ANKRD7: variants seen among roughly 807,000 people sequenced by gnomAD.
The protein encoded by ANKRD7 is ankyrin repeat domain 7, also known as ankyrin repeat domain-containing protein 7.
In ANKRD7, 30 loss-of-function variants were observed where a neutral mutation model predicts 30.8. The observed-to-expected ratio is 0.97, with a 90% confidence interval of 0.73 to 1.32. The LOEUF (loss-of-function observed/expected upper bound fraction) is 1.32. Among genes scored for constraint, ANKRD7 ranks in the 40% most tolerant of loss-of-function variants. The pLI is 0.00. For synonymous variants in ANKRD7, 97 were observed against 106.6 expected (o/e 0.91, Z 0.55); for missense variants, 264 against 295.7 (o/e 0.89, Z 0.79).
At chr7:118,225,444 G>A (rs983352473) in intron 1 of ANKRD7, among the ~76,000 whole-genome samples, 1 of 151,382 alleles carries the variant, frequency 6.6e-6, no homozygotes, top group Non-Finnish European at 1.5e-5. Flanking sequence ...GCCGAGATCG[G>A]GCCACTGCAT....
chr7:118,236,109 G>A lies in ANKRD7; in HGVS notation c.537G>A (p.Glu179=). Residue 179 remains glutamate (E), a synonymous_variant, in exon 4 of 7, where the codon GAG becomes GAA. Coordinates refer to ENST00000265224, the MANE Select transcript of ANKRD7 (RefSeq NM_019644.4). The part of the protein sequence containing the change: ...NNPKMVKFLL[E]KGADVNASDN... ...CAAAAATGGTAAAATTTCTTCTGGA[G>A]AAAGGGGCTGATGTGAATGCTTCAG... The A allele has an allele frequency of 1.2e-6, 2 of 1,607,874 alleles. No individual in the cohort carries two copies. Among genetic ancestry groups the A allele is most frequent in the Non-Finnish European group, 1.7e-6 (2 of 1,175,374 alleles).
At chr7:118,236,210 A>ATG (rs3993811) in intron 4 of ANKRD7, 63 bp downstream of exon 4, 16,609 of 599,528 alleles carry the variant, frequency 0.028, 125 homozygotes, top group East Asian at 0.07. Context: ...GTGTGTGCGT[A>ATG]TGTGTGTGTG....
rs67297938 is a variant in ANKRD7, at chr7:118,227,906, C to CTTT, written c.179+2909_179+2911dup. ...ATTTAGCTTATTGATAGTATTATGT[C>CTTT]TTTTTTTTTTTTTTAACAAAAACAG... On this transcript the variant is annotated intron_variant, in intron 1 of 6. Transcript: ENST00000265224. The CTTT allele has an allele frequency of 1.0e-3, 1,245 of 1,242,630 alleles. 4 individuals carry two copies. Among genetic ancestry groups the CTTT allele is most frequent in the Admixed American group, 6.8e-3 (268 of 39,316 alleles). 77.0% of individuals were successfully genotyped at this position (1,242,630 alleles called of 1,614,324 possible).
chr7:118,227,625 T>G (rs1809566965), intron 1 of ANKRD7, among the ~76,000 whole-genome samples: 1 of 152,216 alleles, frequency 6.6e-6, no homozygotes. Flanking sequence ...GGTTAATCTT[T>G]TTAATGTGGA....
intron 4 of ANKRD7, 99 bp downstream of exon 4, chr7:118,236,246 AAC>A: frequency 2.0e-6 from 1 of 505,322 alleles, no homozygotes; most frequent in Non-Finnish European, 3.2e-6. Context: ...GTGTCCACAA[AAC>A]ACAATATATA....
At chr7:118,228,159 G>A (rs1303967806) in intron 1 of ANKRD7, among the ~76,000 whole-genome samples, 1 of 152,080 alleles carries the variant, frequency 6.6e-6, no homozygotes, top group Non-Finnish European at 1.5e-5. Context: ...CACTTCTTTT[G>A]AGACTCTTTT....
chr7:118,240,383 A>C (rs975877574), intron 6 of ANKRD7, among the ~76,000 whole-genome samples: 1 of 151,816 alleles, frequency 6.6e-6, no homozygotes, highest in Non-Finnish European at 1.5e-5. Context: ...TCATTGTTCA[A>C]TTCCCACCTA....
At chr7:118,226,923 G>C (rs555605113) in intron 1 of ANKRD7, among the ~76,000 whole-genome samples, 48 of 152,222 alleles carry the variant, frequency 3.2e-4, no homozygotes, top group African/African-American at 1.1e-3. Context: ...TGCATCTTGT[G>C]TTTTATCTAT....
chr7:118,241,072 T>G (rs529591679), intron 6 of ANKRD7, among the ~76,000 whole-genome samples: 1 of 138,714 alleles, frequency 7.2e-6, no homozygotes, highest in Admixed American at 8.3e-5. Context: ...GAGAATGGCG[T>G]GAACCCGGGA....
At chr7:118,233,457 T>C (rs1324293242) in intron 1 of ANKRD7, among the ~76,000 whole-genome samples, 7 of 152,134 alleles carry the variant, frequency 4.6e-5, no homozygotes, top group Non-Finnish European at 1.0e-4. Context: ...TTTTTTGAAC[T>C]GTTTTTATAT....
intron 3 of ANKRD7, among the ~76,000 whole-genome samples, chr7:118,235,101 T>G (rs186527779): frequency 3.3e-5 from 5 of 152,168 alleles, no homozygotes; most frequent in African/African-American, 1.2e-4. Context: ...AGAAACACTA[T>G]ATTTAACAAC....
chr7:118,226,868 A>C (rs537606351), intron 1 of ANKRD7, among the ~76,000 whole-genome samples: 20 of 152,318 alleles, frequency 1.3e-4, no homozygotes, highest in African/African-American at 4.8e-4. Flanking sequence ...TGTATAAGTG[A>C]ACCTACACAG....
chr7:118,234,327 G>A, intron 1 of ANKRD7, 104 bp from the exon 2 acceptor site: 1 of 591,836 alleles, frequency 1.7e-6, no homozygotes, highest in South Asian at 2.9e-5. Context: ...TGTGCATGAA[G>A]CAAGTACCTT....
rs1271620681 is a variant in ANKRD7, at chr7:118,242,350, T to TA, written c.*40dup. ...TTATAAATATCATTTGTTTCCTAGA[T>TA]ATGGAACCCATTTCTACAATTTCTT... On this transcript the variant is annotated splice_region_variant and 3_prime_UTR_variant, in exon 7 of 7. Coordinates refer to ENST00000265224, the MANE Select transcript of ANKRD7 (RefSeq NM_019644.4). 1.3e-5 allele frequency: 2 copies of TA among 152,196 alleles called. No homozygotes were observed. The highest frequency in any genetic ancestry group is 2.9e-5 in the Non-Finnish European group (2 of 68,026). The allele number at this position is 152,196 out of a possible 1,614,324, so 9.4% of individuals were successfully genotyped here.
chr7:118,235,633 A>AT (rs1342447116), intron 3 of ANKRD7, among the ~76,000 whole-genome samples: 9 of 151,012 alleles, frequency 6.0e-5, no homozygotes, highest in Non-Finnish European at 1.0e-4. Flanking sequence ...AAAAAAAAAA[A>AT]GCGTATTGAT....
At chr7:118,232,736 G>GTA (rs1230433164) in intron 1 of ANKRD7, among the ~76,000 whole-genome samples, 1 of 151,748 alleles carries the variant, frequency 6.6e-6, no homozygotes, top group Non-Finnish European at 1.5e-5. Flanking sequence ...GTGTGTGTGT[G>GTA]TGTGTGTGTG....
intron 1 of ANKRD7, among the ~76,000 whole-genome samples, chr7:118,231,065 C>T (rs1234782059): frequency 6.6e-6 from 1 of 152,028 alleles, no homozygotes; most frequent in Non-Finnish European, 1.5e-5. Flanking sequence ...AAACATTGTT[C>T]TGAGAGTCAA....
chr7:118,228,835 T>C (rs1809586314), intron 1 of ANKRD7, among the ~76,000 whole-genome samples: 1 of 152,208 alleles, frequency 6.6e-6, no homozygotes, highest in Non-Finnish European at 1.5e-5. Flanking sequence ...ATGTCTTACC[T>C]AGAATTACTA....
chr7:118,229,545 A>T (rs1809599182), intron 1 of ANKRD7, among the ~76,000 whole-genome samples: 1 of 152,138 alleles, frequency 6.6e-6, no homozygotes, highest in Non-Finnish European at 1.5e-5. Context: ...ACATATATAC[A>T]CATATAAATG....
Sources: allele counts gnomAD v4.1 joint callset (sites outside exome capture counted in the v4.1 genomes callset), GRCh38; gene constraint gnomAD v4.1.1; transcripts MANE v1.5; gene names NCBI Gene and HGNC (gene_info 2026-07-23, HGNC 2026-07-21).